The following FOSL2 variants were observed in gnomAD, a reference collection of about 807,000 sequenced individuals.
The protein encoded by FOSL2 is FOS like 2, AP-1 transcription factor subunit.
A neutral mutation model predicts 27.7 loss-of-function variants in FOSL2; 3 were observed. The observed-to-expected ratio is 0.11, with a 90% confidence interval of 0.05 to 0.28. The LOEUF is 0.28. FOSL2 is among the 10% of genes least tolerant of loss of function. The pLI is 1.00. For missense variants in FOSL2, 333 were observed against 445.1 expected, an observed-to-expected ratio of 0.75 and a Z score of 2.27; for synonymous variants, 179 against 190.1, an observed-to-expected ratio of 0.94 and a Z score of 0.48.
Position 28,413,062 on chromosome 2 carries a change from C to G in FOSL2, c.*614C>G, listed in dbSNP as rs1664236786. ...GAGCCTTCCCTACCCTGACGCCTCCCAGTCATCATCTCCAGAACTCCCAGC... is the reference window on the plus strand; with the variant it reads ...GAGCCTTCCCTACCCTGACGCCTCCGAGTCATCATCTCCAGAACTCCCAGC... On this transcript the variant is annotated 3_prime_UTR_variant, in exon 4 of 4. Coordinates refer to ENST00000264716, the MANE Select transcript of FOSL2 (RefSeq NM_005253.4). 6.1e-6 allele frequency: 1 copy of G among 164,150 alleles called. No individual in the cohort carries two copies. The highest frequency in any genetic ancestry group is 2.4e-5 in the African/African-American group (1 of 42,006). 10.2% of individuals were successfully genotyped at this position (164,150 alleles called of 1,614,324 possible). A position where few individuals can be genotyped will look rare whatever the true frequency, so the allele number is the denominator to read the frequency against.
Position 28,393,667 on chromosome 2 carries a change from C to G in FOSL2, c.-54C>G. On this transcript the variant is annotated 5_prime_UTR_variant, in exon 1 of 4. Transcript: ENST00000264716. The surrounding 1 kb of genome is among the most constrained non-coding windows in gnomAD (Gnocchi z 4.6). ...CGCAGCAGCCGGTGCGCGGCCGCGG[C>G]GAGGGCGGGGGAAGAAAAACACCCT... is the stretch of plus-strand genomic sequence containing the variant. The G allele has an allele frequency of 7.4e-7, 1 of 1,358,962 alleles. No individual in the cohort carries two copies. Among genetic ancestry groups the G allele is most frequent in the Non-Finnish European group, 1.0e-6 (1 of 980,828 alleles). 84.2% of individuals were successfully genotyped at this position (1,358,962 alleles called of 1,614,324 possible).
intron 1 of FOSL2, among the ~76,000 whole-genome samples, chr2:28,403,752 T>C (rs1664020176): frequency 6.6e-6 from 1 of 152,110 alleles, no homozygotes; most frequent in Admixed American, 6.5e-5. Context: ...ATCCTGCAGA[T>C]GTGTATCCTG....
rs556758268 is a variant in FOSL2 at position 28,403,286 on chromosome 2, C to A, written c.103-821C>A. On this transcript the variant is annotated intron_variant, in intron 1 of 3. Coordinates refer to ENST00000264716, the MANE Select transcript of FOSL2 (RefSeq NM_005253.4). ...ATAGAATGCTTCCTGCAGCATGTTC[C>A]AGAGAGCTCTGCAACGTGGTCTGGG... 2.6e-5 allele frequency among the ~76,000 whole-genome samples: 4 copies of A among 152,274 alleles called. No individual in the cohort carries two copies. In the South Asian group the frequency reaches 8.3e-4, roughly 32 times the overall value.
Position 28,392,993 on chromosome 2 carries a change from C to T in FOSL2, c.-728C>T. The T allele has an allele frequency of 1.5e-6, 1 of 648,370 alleles. No homozygotes were observed. Among genetic ancestry groups the T allele is most frequent in the East Asian group, 2.9e-5 (1 of 34,500 alleles). The allele number at this position is 648,370 out of a possible 1,614,324, so 40.2% of individuals were successfully genotyped here. On this transcript the variant is annotated 5_prime_UTR_variant, in exon 1 of 4. Coordinates refer to ENST00000264716, the MANE Select transcript of FOSL2 (RefSeq NM_005253.4). ...GAGAGGCGCGGCCGGGCGAGGCGGG[C>T]CCGTCCGGGAGCGGGCTCCGGGGAA... is the stretch of plus-strand genomic sequence containing the variant.
Position 28,408,846 on chromosome 2 carries a change from C to T in FOSL2, c.442C>T (p.Leu148=), listed in dbSNP as rs753385972. The T allele has an allele frequency of 8.1e-6, 13 of 1,610,336 alleles. No individual in the cohort carries two copies. The highest frequency in any genetic ancestry group is 1.1e-5 in the Non-Finnish European group (13 of 1,178,310). ...CAAGTGCCGGAACCGACGCCGGGAG[C>T]TGACAGAGAAGCTGCAGGCGGTGAG... ...AAKCRNRRRE[L]TEKLQAETEE... is the part of the protein sequence containing the mutation. Residue 148 remains leucine, a synonymous_variant, in exon 3 of 4, where the codon CTG becomes TTG. Coordinates refer to ENST00000264716, the MANE Select transcript of FOSL2 (RefSeq NM_005253.4). This position sits in a 1 kb window ranked among gnomAD's most constrained non-coding sequence, Gnocchi z 4.1.
At position 28,414,120 on chromosome 2, in the gene FOSL2, C is replaced by G. The variant is rs1258953225; in HGVS notation, c.*1672C>G. ...GCGGGGCTTGTGCTCTGCAAAGACTCTGCTGCTGGGGATTCAGCTCTAGAG... is the reference window on the plus strand; with the variant it reads ...GCGGGGCTTGTGCTCTGCAAAGACTGTGCTGCTGGGGATTCAGCTCTAGAG... On this transcript the variant is annotated 3_prime_UTR_variant, in exon 4 of 4. Transcript: ENST00000264716. 1 of 331,042 alleles carries G rather than the reference C, an allele frequency of 3.0e-6. No individual in the cohort carries two copies. The highest frequency in any genetic ancestry group is 5.5e-6 in the Non-Finnish European group (1 of 182,790). 20.5% of individuals were successfully genotyped at this position (331,042 alleles called of 1,614,324 possible).
intron 1 of FOSL2, among the ~76,000 whole-genome samples, chr2:28,399,298 A>T (rs947598555): frequency 1.3e-5 from 2 of 152,182 alleles, no homozygotes; most frequent in Non-Finnish European, 2.9e-5. Flanking sequence ...CCTCGGCCCC[A>T]TCCGGTCCTG....
At chr2:28,401,763 C>A (rs1356516581) in intron 1 of FOSL2, among the ~76,000 whole-genome samples, 1 of 152,216 alleles carries the variant, frequency 6.6e-6, no homozygotes, top group Non-Finnish European at 1.5e-5. Context: ...TATGCACACA[C>A]CTGCTGCTTT....
chr2:28,405,730 G>C (rs1005811507), intron 2 of FOSL2, among the ~76,000 whole-genome samples: 1 of 66,276 alleles, frequency 1.5e-5, no homozygotes, highest in African/African-American at 4.3e-5. Context: ...GAGCCACTTG[G>C]GGAGGTGTGT....
chr2:28,405,654 G>C (rs1178687212), intron 2 of FOSL2, among the ~76,000 whole-genome samples: 1 of 152,116 alleles, frequency 6.6e-6, no homozygotes, highest in East Asian at 1.9e-4. Flanking sequence ...GCTCCTGCGA[G>C]GACAAAGCTG....
intron 3 of FOSL2, 168 bp from the exon 4 acceptor site, chr2:28,411,762 G>T (rs1664202620): frequency 3.0e-6 from 2 of 666,586 alleles, no homozygotes; most frequent in East Asian, 2.7e-5. Flanking sequence ...GAAATGAAAG[G>T]AATCTTGAGC....
chr2:28,393,348 T>A lies in FOSL2; in HGVS notation c.-373T>A, dbSNP rs1003602553. 8.4e-6 allele frequency: 2 copies of A among 237,612 alleles called. No individual in the cohort carries two copies. The highest frequency in any genetic ancestry group is 8.1e-6 in the Non-Finnish European group (1 of 123,872). 14.7% of individuals were successfully genotyped at this position (237,612 alleles called of 1,614,324 possible). The stretch of plus-strand genomic sequence containing the variant: ...GCTCGCTGGGCTCCTAATCTTTTTT[T>A]TAATTTCCAATTTTTGATTGGGCCG... On this transcript the variant is annotated 5_prime_UTR_variant, in exon 1 of 4. Transcript: ENST00000264716. This position sits in a 1 kb window ranked among gnomAD's most constrained non-coding sequence, Gnocchi z 4.6.
chr2:28,396,989 T>C (rs1663858780), intron 1 of FOSL2: 1 of 152,172 alleles, frequency 6.6e-6, no homozygotes, highest in Non-Finnish European at 1.5e-5. Context: ...AAAACTATCT[T>C]GGGAATGTAT....
At chr2:28,394,365 G>C (rs2148074886) in intron 1 of FOSL2, among the ~76,000 whole-genome samples, 1 of 152,308 alleles carries the variant, frequency 6.6e-6, no homozygotes, top group African/African-American at 2.4e-5. Flanking sequence ...GGCGAGGGCT[G>C]CCGCTCTGGG....
Position 28,414,911 on chromosome 2 carries a change from C to T in FOSL2, c.*2463C>T, listed in dbSNP as rs1429913945. The T allele has an allele frequency of 6.6e-6, 1 of 152,220 alleles. No homozygotes were observed. The highest frequency in any genetic ancestry group is 2.4e-5 in the African/African-American group (1 of 41,454). The allele number at this position is 152,220 out of a possible 1,614,324, so 9.4% of individuals were successfully genotyped here. On this transcript the variant is annotated 3_prime_UTR_variant, in exon 4 of 4. Coordinates refer to ENST00000264716, the MANE Select transcript of FOSL2 (RefSeq NM_005253.4). ...GGCTTTGTCATAGGAGGTCGTTCAG[C>T]TTCCCCAAAGTCAGAGGTGATTTGA...
chr2:28,408,553 T>C lies in FOSL2; in HGVS notation c.355-206T>C, dbSNP rs574323052. 6.6e-6 allele frequency among the ~76,000 whole-genome samples: 1 copy of C among 152,306 alleles called. No individual in the cohort carries two copies. The highest frequency in any genetic ancestry group is 1.9e-4 in the East Asian group (1 of 5,184). ...CTTGGACATCACCTTCCGGGGCAGA[T>C]TCAGCTCAAAAGAGCCCTCCCAGGC... On this transcript the variant is annotated intron_variant, in intron 2 of 3. Coordinates refer to ENST00000264716, the MANE Select transcript of FOSL2 (RefSeq NM_005253.4). The surrounding 1 kb of genome is among the most constrained non-coding windows in gnomAD (Gnocchi z 4.1).
At chr2:28,394,253 CCT>C (rs1415247915) in intron 1 of FOSL2, among the ~76,000 whole-genome samples, 5 of 151,712 alleles carry the variant, frequency 3.3e-5, no homozygotes, top group Non-Finnish European at 7.4e-5. Flanking sequence ...TCAGGAAAGC[CCT>C]CTCTCTCTCC....
intron 1 of FOSL2, chr2:28,396,819 C>CACACACACACACACACACACAA (rs1663853350): frequency 2.0e-5 from 3 of 149,052 alleles, no homozygotes; most frequent in African/African-American, 7.8e-5. Context: ...CACACACACA[C>CACACACACACACACACACACAA]ACACACACAC....
intron 1 of FOSL2, among the ~76,000 whole-genome samples, chr2:28,402,831 T>A (rs1414740400): frequency 6.6e-6 from 1 of 152,252 alleles, no homozygotes; most frequent in African/African-American, 2.4e-5. Context: ...ACCCCGCTGC[T>A]TATTAGCAAT....
Sources: gnomAD v4.1 joint callset for allele counts (sites outside exome capture counted in the v4.1 genomes callset) on GRCh38, gnomAD v4.1.1 for gene constraint, Gnocchi (gnomAD v3.1) non-coding constraint, MANE v1.5 for transcripts, NCBI Gene and HGNC (gene_info 2026-07-23, HGNC 2026-07-21) for gene names.